NCF4: variants seen among roughly 807,000 people sequenced by gnomAD.
NCF4 encodes neutrophil cytosol factor 4.
Under a neutral mutation model 41.7 loss-of-function variants are expected in NCF4, and 30 were observed. That is an observed-to-expected ratio of 0.72 (90% confidence interval 0.54 to 0.97). The LOEUF (loss-of-function observed/expected upper bound fraction) is 0.97. Ranked by LOEUF, NCF4 falls within the 50% of genes least tolerant of loss-of-function variation. The probability of loss-of-function intolerance (pLI) is 0.00; values close to 1 mark genes in which losing one functional copy is unlikely to be tolerated. For missense variants in NCF4, 432 were observed against 460.9 expected, an observed-to-expected ratio of 0.94 and a Z score of 0.57; for synonymous variants, 195 against 175.8, an observed-to-expected ratio of 1.11 and a Z score of -0.87.
At chr22:36,867,547 T>C (rs1939957817) in intron 4 of NCF4, 85 bp downstream of exon 4, 2 of 1,451,914 alleles carry the variant, frequency 1.4e-6, no homozygotes, top group Non-Finnish European at 1.9e-6. Context: ...GGGTATGGCT[T>C]TGGGAACTGG....
At chr22:36,870,317 G>A in intron 4 of NCF4, 98 bp from the exon 5 acceptor site, 1 of 1,528,840 alleles carries the variant, frequency 6.5e-7, no homozygotes, top group Non-Finnish European at 9.0e-7. Flanking sequence ...GTAAAGAGAG[G>A]AGGGCTGATG....
Position 36,871,726 on chromosome 22 carries a change from C to A in NCF4, c.528+17C>A, listed in dbSNP as rs36099901. The A allele has an allele frequency of 4.7e-3, 7,365 of 1,553,486 alleles. 312 individuals are homozygous for A. In the African/African-American group the frequency reaches 0.089, roughly 19 times the overall value. ...AGAGCAGAGGTAACCCCCGCCCCCA[C>A]GCTGGCCAGGCTCTCACACTGTGGG... On this transcript the variant is annotated intron_variant, in intron 6 of 9. Coordinates refer to ENST00000248899, the MANE Select transcript of NCF4 (RefSeq NM_000631.5).
At chr22:36,863,043 G>A (rs759809705) in intron 1 of NCF4, among the ~76,000 whole-genome samples, 8 of 152,198 alleles carry the variant, frequency 5.3e-5, no homozygotes, top group Non-Finnish European at 8.8e-5. Flanking sequence ...CCAAGGGAGC[G>A]GATATTCCAG....
Position 36,865,200 on chromosome 22 carries a change from T to C in NCF4, c.271+128T>C, listed in dbSNP as rs1939899218. On this transcript the variant is annotated intron_variant, in intron 3 of 9. Transcript: ENST00000248899. The surrounding 1 kb of genome is among the most constrained non-coding windows in gnomAD (Gnocchi z 4.3). Reference sequence around the variant, plus strand: ...TGTTCATGTAGTTTATAGCCCCCACTCCCGGCAGTTACAGGCTGCCAAGCC... The same window carrying C: ...TGTTCATGTAGTTTATAGCCCCCACCCCCGGCAGTTACAGGCTGCCAAGCC... 1 of 1,370,612 alleles carries C rather than the reference T, an allele frequency of 7.3e-7. No homozygotes were observed. The allele number at this position is 1,370,612 out of a possible 1,614,324, so 84.9% of individuals were successfully genotyped here.
chr22:36,872,054 C>A, intron 6 of NCF4: 2 of 685,702 alleles, frequency 2.9e-6, no homozygotes, highest in Non-Finnish European at 5.4e-6. Flanking sequence ...AGCCTGGGGA[C>A]CAGGGTGGGT....
At position 36,870,509 on chromosome 22, in the gene NCF4, CACTCCGCCG is replaced by C. The variant is rs1940029374; in HGVS notation, c.438_446del (p.Arg149_Arg151del). On this transcript the variant is annotated inframe_deletion, in exon 5 of 10. Transcript: ENST00000248899. Reference sequence around the variant, plus strand: ...TATGACTCAGAGCAGGTGCCCCAGGCACTCCGCCGGCTCCGCCCGCGCACCCGGAAAGTG... The same window carrying C: ...TATGACTCAGAGCAGGTGCCCCAGGCGCTCCGCCCGCGCACCCGGAAAGTG... The C allele has an allele frequency of 6.2e-7, 1 of 1,613,580 alleles. No individual in the cohort carries two copies. Among genetic ancestry groups the C allele is most frequent in the Non-Finnish European group, 8.5e-7 (1 of 1,180,028 alleles).
Position 36,877,728 on chromosome 22 carries a change from C to G in NCF4, c.925C>G (p.Gln309Glu), listed in dbSNP as rs1394245058. 2 of 1,614,138 alleles carry G rather than the reference C, an allele frequency of 1.2e-6. No individual in the cohort carries two copies. Among genetic ancestry groups the G allele is most frequent in the Non-Finnish European group, 1.7e-6 (2 of 1,180,026 alleles). ...SDEDVALMVR[Q>E]ARGLPSQKRL... ...TGAGGACGTAGCGCTCATGGTGCGG[C>G]AGGCTCGTGGCCTCCCCTCCCAGAA... Residue 309 changes from glutamine to glutamate, a missense_variant, in exon 10 of 10, where the codon CAG becomes GAG. Coordinates refer to ENST00000248899, the MANE Select transcript of NCF4 (RefSeq NM_000631.5).
At chr22:36,869,975 G>T in intron 4 of NCF4, 1 of 227,900 alleles carries the variant, frequency 4.4e-6, no homozygotes, top group Non-Finnish European at 8.9e-6. Flanking sequence ...AGATGGCTCT[G>T]GGTGCCCCAG....
chr22:36,874,143 G>T (rs34365995), intron 7 of NCF4, among the ~76,000 whole-genome samples: 2,059 of 152,358 alleles, frequency 0.014, 58 homozygotes, highest in African/African-American at 0.047. Flanking sequence ...GTCATTAGGA[G>T]ACTTAAATGA....
In NCF4 at chr22:36,877,796, C is replaced by A; in HGVS notation, c.993C>A (p.Asn331Lys). The A allele has an allele frequency of 6.2e-7, 1 of 1,613,966 alleles. No homozygotes were observed. The highest frequency in any genetic ancestry group is 1.7e-5 in the Admixed American group (1 of 60,004). Residue 331 changes from asparagine to lysine, a missense_variant, in exon 10 of 10, where the codon AAC becomes AAA. By Grantham distance (94) the Asn-to-Lys change is moderately conservative. Coordinates refer to ENST00000248899, the MANE Select transcript of NCF4 (RefSeq NM_000631.5). The stretch of plus-strand genomic sequence containing the variant: ...AGCTGCACATCACGCAGAAGGACAA[C>A]TACAGGGTCTACAACACGATGCCAT... ...PWKLHITQKD[N>K]YRVYNTMP is the part of the protein sequence containing the mutation.
chr22:36,867,885 C>T (rs558176346), intron 4 of NCF4, among the ~76,000 whole-genome samples: 145 of 152,264 alleles, frequency 9.5e-4, no homozygotes, highest in African/African-American at 3.2e-3. Flanking sequence ...CCAAGCAGGC[C>T]GCAGGTTGCT....
At chr22:36,872,499 G>A in intron 7 of NCF4, 74 bp downstream of exon 7, 1 of 1,293,596 alleles carries the variant, frequency 7.7e-7, no homozygotes, top group Non-Finnish European at 1.1e-6. Context: ...AGATAGAGGT[G>A]AGGGTGGAAG....
chr22:36,868,647 G>A (rs1228089711), intron 4 of NCF4, among the ~76,000 whole-genome samples: 2 of 151,910 alleles, frequency 1.3e-5, no homozygotes, highest in African/African-American at 4.8e-5. Flanking sequence ...GCTAGAATAG[G>A]GGAGTGGGCT....
At position 36,877,023 on chromosome 22, in the gene NCF4, G is replaced by A. The variant is rs73887035; in HGVS notation, c.825-605G>A. Among the ~76,000 whole-genome samples the A allele has an allele frequency of 8.6e-3, 1,257 of 146,354 alleles. 22 individuals carry two copies. The highest frequency in any genetic ancestry group is 0.032 in the African/African-American group (1,201 of 37,038). ...AGGTGTCTCTCTGAGGCTTTATACA[G>A]CCCCACTCTGTGCCCAGTCAAACCC... On this transcript the variant is annotated intron_variant, in intron 9 of 9. Coordinates refer to ENST00000248899, the MANE Select transcript of NCF4 (RefSeq NM_000631.5).
At chr22:36,871,743 C>T (rs1395845694) in intron 6 of NCF4, 34 bp downstream of exon 6, 1 of 1,550,260 alleles carries the variant, frequency 6.5e-7, no homozygotes, top group Non-Finnish European at 8.7e-7. Context: ...CAGGCTCTCA[C>T]ACTGTGGGCA....
At chr22:36,866,957 A>G (rs896964052) in intron 3 of NCF4, among the ~76,000 whole-genome samples, 17 of 151,982 alleles carry the variant, frequency 1.1e-4, no homozygotes, top group African/African-American at 4.1e-4. Flanking sequence ...GGAGATTCTG[A>G]TTTAATTGCT....
At chr22:36,872,183 T>C (rs1243147245) in intron 6 of NCF4, 144 bp from the exon 7 acceptor site, 3 of 755,120 alleles carry the variant, frequency 4.0e-6, no homozygotes, top group Admixed American at 4.0e-5. Context: ...CACTAAAAAA[T>C]GGGGTGGCCT....
In NCF4 at chr22:36,864,963, C is replaced by A. The variant is rs771597330; in HGVS notation, c.162C>A (p.Leu54=). 6.2e-7 allele frequency: 1 copy of A among 1,614,106 alleles called. No homozygotes were observed. The highest frequency in any genetic ancestry group is 8.5e-7 in the Non-Finnish European group (1 of 1,180,018). ...EVKTKGGSKY[L]IYRRYRQFHA... ...AGACAAAAGGAGGATCCAAGTACCT[C>A]ATCTACCGCCGCTACCGCCAGTTCC... Residue 54 remains leucine, a synonymous_variant, in exon 3 of 10, where the codon CTC becomes CTA. Coordinates refer to ENST00000248899, the MANE Select transcript of NCF4 (RefSeq NM_000631.5).
chr22:36,871,754 T>C (rs1236968307), intron 6 of NCF4, 45 bp downstream of exon 6: 7 of 1,546,064 alleles, frequency 4.5e-6, no homozygotes, highest in East Asian at 4.9e-5. Flanking sequence ...ACTGTGGGCA[T>C]CTGCCTTGGC....
Sources: allele counts gnomAD v4.1 joint callset (sites outside exome capture counted in the v4.1 genomes callset), GRCh38; gene constraint gnomAD v4.1.1; non-coding constraint Gnocchi (gnomAD v3.1); transcripts MANE v1.5; gene names NCBI Gene and HGNC (gene_info 2026-07-23, HGNC 2026-07-21).